GRIN2B: variants seen among roughly 807,000 people sequenced by gnomAD.
GRIN2B encodes the protein glutamate receptor ionotropic, NMDA 2B.
GRIN2B carries 5 observed loss-of-function variants against 114.5 expected under a neutral mutation model. The observed-to-expected ratio is 0.04, with a 90% CI of 0.02 to 0.09. The LOEUF is 0.09. Ranked by LOEUF, GRIN2B falls within the 10% of genes least tolerant of loss-of-function variation. GRIN2B has a pLI of 1.00. For missense variants in GRIN2B, 1,108 were observed against 1,943.5 expected (o/e 0.57, Z 8.08); for synonymous variants, 787 against 745.1 (o/e 1.06, Z -0.92).
chr12:13,852,009 C>T (rs372305568), intron 3 of GRIN2B, among the ~76,000 whole-genome samples: 1 of 152,168 alleles, frequency 6.6e-6, no homozygotes, highest in Non-Finnish European at 1.5e-5. Context: ...GCCTGTTGCC[C>T]TAGCAACGTG....
intron 4 of GRIN2B, among the ~76,000 whole-genome samples, chr12:13,690,611 C>A (rs1165368360): frequency 6.6e-6 from 1 of 152,090 alleles, no homozygotes; most frequent in Non-Finnish European, 1.5e-5. Flanking sequence ...AAACATAGAT[C>A]TGCCTGTGAG....
At chr12:13,588,879 T>TA (rs1484845993) in intron 10 of GRIN2B, among the ~76,000 whole-genome samples, 3 of 152,192 alleles carry the variant, frequency 2.0e-5, no homozygotes, top group Admixed American at 6.5e-5. Context: ...AGTCTTCTTG[T>TA]AAAAGATTAA....
At position 13,615,373 on chromosome 12, in the gene GRIN2B, A is replaced by T; in HGVS notation, c.1501-106T>A. The T allele has an allele frequency of 7.1e-7, 1 of 1,415,014 alleles. No individual in the cohort carries two copies. The highest frequency in any genetic ancestry group is 1.0e-6 in the Non-Finnish European group (1 of 999,128). 87.7% of individuals were successfully genotyped at this position (1,415,014 alleles called of 1,614,324 possible). ...GTTTTCTTTGTATAGTGGGAACAAT[A>T]CATCTTATTTGCCATTTTATATTTT... On this transcript the variant is annotated intron_variant, in intron 7 of 13. Coordinates refer to ENST00000609686, the MANE Select transcript of GRIN2B (RefSeq NM_000834.5). This position sits in a 1 kb window ranked among gnomAD's most constrained non-coding sequence, Gnocchi z 5.8.
chr12:13,620,800 T>C (rs1949503043), intron 5 of GRIN2B, among the ~76,000 whole-genome samples: 1 of 152,132 alleles, frequency 6.6e-6, no homozygotes, highest in South Asian at 2.1e-4. Context: ...TTTTAGAGGT[T>C]ACTTTTTGAA....
At chr12:13,575,507 A>G (rs1948762539) in intron 10 of GRIN2B, among the ~76,000 whole-genome samples, 1 of 151,904 alleles carries the variant, frequency 6.6e-6, no homozygotes, top group African/African-American at 2.4e-5. Context: ...AAAAATATAA[A>G]AATTAGCCGT....
chr12:13,646,388 T>C (rs1171911645), intron 5 of GRIN2B, among the ~76,000 whole-genome samples: 2 of 152,154 alleles, frequency 1.3e-5, no homozygotes, highest in Non-Finnish European at 2.9e-5. Context: ...TTTACATACA[T>C]CAGCTGTTTA....
At chr12:13,594,442 C>T (rs934547611) in intron 10 of GRIN2B, among the ~76,000 whole-genome samples, 6 of 151,326 alleles carry the variant, frequency 4.0e-5, no homozygotes, top group African/African-American at 1.5e-4. Context: ...CCAAATATCA[C>T]ATGTTCTCAT....
intron 10 of GRIN2B, among the ~76,000 whole-genome samples, chr12:13,595,039 C>A (rs1194561290): frequency 6.6e-6 from 1 of 152,050 alleles, no homozygotes; most frequent in Non-Finnish European, 1.5e-5. Context: ...TTTTTGATTA[C>A]CTGGGTTTGA....
At chr12:13,726,518 G>C (rs1313219049) in intron 4 of GRIN2B, among the ~76,000 whole-genome samples, 1 of 146,726 alleles carries the variant, frequency 6.8e-6, no homozygotes, top group Non-Finnish European at 1.5e-5. Context: ...CTGGACAAAA[G>C]AGCGAGACTC....
intron 3 of GRIN2B, among the ~76,000 whole-genome samples, chr12:13,806,495 T>C (rs1283008370): frequency 2.6e-5 from 4 of 152,196 alleles, no homozygotes; most frequent in Admixed American, 1.3e-4. Context: ...CATTTTTCCA[T>C]ATACCTGTTG....
intron 4 of GRIN2B, among the ~76,000 whole-genome samples, chr12:13,694,178 T>C (rs1283579239): frequency 6.6e-6 from 1 of 152,018 alleles, no homozygotes; most frequent in African/African-American, 2.4e-5. Flanking sequence ...TAAAGATAAG[T>C]CAAAAGAGCC....
At chr12:13,941,579 A>G (rs775134542) in intron 2 of GRIN2B, among the ~76,000 whole-genome samples, 1 of 152,166 alleles carries the variant, frequency 6.6e-6, no homozygotes, top group African/African-American at 2.4e-5. Context: ...TTGATAGTCT[A>G]GAGAAGTTGG....
intron 4 of GRIN2B, among the ~76,000 whole-genome samples, chr12:13,680,011 A>T (rs7970144): frequency 0.75 from 114,228 of 151,994 alleles, 43,753 homozygotes; most frequent in Middle Eastern, 0.87. Context: ...ATAATTTGAG[A>T]GTCTAAAGGC....
intron 12 of GRIN2B, among the ~76,000 whole-genome samples, chr12:13,569,545 C>T (rs771841403): frequency 1.6e-4 from 24 of 152,150 alleles, no homozygotes; most frequent in Non-Finnish European, 3.2e-4. Context: ...AACAGATTCT[C>T]CCTTGCAGAC....
At chr12:13,799,712 G>A (rs552255758) in intron 3 of GRIN2B, among the ~76,000 whole-genome samples, 16 of 152,106 alleles carry the variant, frequency 1.1e-4, no homozygotes, top group Non-Finnish European at 1.3e-4. Flanking sequence ...GGGGGGAAAG[G>A]AGGAGCAGGG....
At chr12:13,662,061 A>T (rs1949929406) in intron 5 of GRIN2B, among the ~76,000 whole-genome samples, 1 of 152,180 alleles carries the variant, frequency 6.6e-6, no homozygotes, top group Admixed American at 6.5e-5. Context: ...TGCCATGCTC[A>T]CTTAGAACAG....
intron 10 of GRIN2B, among the ~76,000 whole-genome samples, chr12:13,607,335 TTA>T (rs1231226406): frequency 5.4e-5 from 3 of 55,188 alleles, no homozygotes; most frequent in Non-Finnish European, 9.8e-5. Flanking sequence ...ATAATATATA[TTA>T]TATATAATAT....
At position 13,544,077 on chromosome 12, in the gene GRIN2B, C is replaced by T. The variant is rs920560835; in HGVS notation, c.*18706G>A. 1.3e-5 allele frequency: 2 copies of T among 152,166 alleles called. No homozygotes were observed. Among genetic ancestry groups the T allele is most frequent in the Admixed American group, 6.5e-5 (1 of 15,278 alleles). The allele number at this position is 152,166 out of a possible 1,614,324, so 9.4% of individuals were successfully genotyped here. On this transcript the variant is annotated 3_prime_UTR_variant, in exon 14 of 14. Coordinates refer to ENST00000609686, the MANE Select transcript of GRIN2B (RefSeq NM_000834.5). ...CCCATCTTAAAAAAAGAAGTCCCTCCCTGGGCGTCACATTCTCTATGATCT... is the reference window on the plus strand; with the variant it reads ...CCCATCTTAAAAAAAGAAGTCCCTCTCTGGGCGTCACATTCTCTATGATCT...
intron 10 of GRIN2B, among the ~76,000 whole-genome samples, chr12:13,572,805 G>A (rs561840311): frequency 3.6e-4 from 55 of 152,124 alleles, no homozygotes; most frequent in Non-Finnish European, 6.3e-4. Flanking sequence ...ATTTATATCC[G>A]TTTCAAAATA....
Sources: gnomAD v4.1 joint callset for allele counts (sites outside exome capture counted in the v4.1 genomes callset) on GRCh38, gnomAD v4.1.1 for gene constraint, Gnocchi (gnomAD v3.1) non-coding constraint, MANE v1.5 for transcripts, NCBI Gene and HGNC (gene_info 2026-07-23, HGNC 2026-07-21) for gene names.